The following TOP6BL variants were observed in gnomAD, a reference collection of about 807,000 sequenced individuals.
TOP6BL encodes TOP6B like initiator of meiotic double strand breaks.
At chr11:66,804,826 C>T in the TOP6BL span, among the ~76,000 whole-genome samples, 1 of 151,668 alleles carries the variant, frequency 6.6e-6, no homozygotes, top group African/African-American at 2.4e-5. Flanking sequence ...AATCCCAGCA[C>T]TTTGGGAGGC....
At chr11:66,815,423 G>A in the TOP6BL span, among the ~76,000 whole-genome samples, 2 of 152,166 alleles carry the variant, frequency 1.3e-5, no homozygotes, top group Non-Finnish European at 2.9e-5. Flanking sequence ...GGATCAAGGT[G>A]CTAGAAAGTG....
the TOP6BL span, among the ~76,000 whole-genome samples, chr11:66,793,091 T>G: frequency 7.0e-6 from 1 of 142,040 alleles, no homozygotes; most frequent in Non-Finnish European, 1.6e-5. Context: ...TTGGTAATAA[T>G]GTTTTTTTTT....
chr11:66,813,243 C>T, the TOP6BL span, among the ~76,000 whole-genome samples: 1 of 152,248 alleles, frequency 6.6e-6, no homozygotes, highest in African/African-American at 2.4e-5. Flanking sequence ...CTTTGTACCC[C>T]AAGAACTTAG....
the TOP6BL span, among the ~76,000 whole-genome samples, chr11:66,782,293 C>T: frequency 6.6e-6 from 1 of 152,196 alleles, no homozygotes; most frequent in African/African-American, 2.4e-5. Context: ...CAACATTTTT[C>T]AGCACTGGAA....
the TOP6BL span, among the ~76,000 whole-genome samples, chr11:66,763,810 G>T: frequency 1.3e-5 from 2 of 152,050 alleles, no homozygotes; most frequent in Non-Finnish European, 2.9e-5. Context: ...TCACTTTGTT[G>T]CCCTGGCTGG....
At chr11:66,794,222 T>A in the TOP6BL span, among the ~76,000 whole-genome samples, 18 of 151,800 alleles carry the variant, frequency 1.2e-4, no homozygotes, top group Admixed American at 3.3e-4. Context: ...TCTGGGACCA[T>A]TTTTTTTGTT....
At chr11:66,842,990 C>A in the TOP6BL span, 2 of 1,550,518 alleles carry the variant, frequency 1.3e-6, no homozygotes, top group South Asian at 1.2e-5. Flanking sequence ...GCCCCCCTCA[C>A]TCCTAGAGGA....
At chr11:66,752,198 A>T in the TOP6BL span, among the ~76,000 whole-genome samples, 19 of 148,016 alleles carry the variant, frequency 1.3e-4, no homozygotes, top group Admixed American at 2.0e-4. Context: ...CTCAGGCTCC[A>T]GTAGCTTCCT....
the TOP6BL span, among the ~76,000 whole-genome samples, chr11:66,759,978 G>A: frequency 6.6e-6 from 1 of 151,934 alleles, no homozygotes; most frequent in Non-Finnish European, 1.5e-5. Context: ...GAACTCTTAC[G>A]CTTTCATTTT....
the TOP6BL span, among the ~76,000 whole-genome samples, chr11:66,821,000 C>G: frequency 6.6e-6 from 1 of 152,158 alleles, no homozygotes; most frequent in Non-Finnish European, 1.5e-5. Context: ...AGTCCTGACT[C>G]AAAGCACATG....
chr11:66,828,074 G>A, the TOP6BL span, among the ~76,000 whole-genome samples: 2 of 150,946 alleles, frequency 1.3e-5, no homozygotes, highest in African/African-American at 4.9e-5. Context: ...AGCCACAACT[G>A]CCTGTCTTAC....
chr11:66,793,971 G>A, the TOP6BL span, among the ~76,000 whole-genome samples: 1 of 151,718 alleles, frequency 6.6e-6, no homozygotes, highest in Non-Finnish European at 1.5e-5. Flanking sequence ...AATTATCCAG[G>A]TGTGGTGATA....
the TOP6BL span, among the ~76,000 whole-genome samples, chr11:66,745,650 C>T: frequency 6.6e-6 from 1 of 152,218 alleles, no homozygotes; most frequent in Admixed American, 6.5e-5. Context: ...CCCCGGGCGT[C>T]CTGCCTGTTT....
chr11:66,839,423 G>C, the TOP6BL span, among the ~76,000 whole-genome samples: 10 of 152,366 alleles, frequency 6.6e-5, no homozygotes, highest in African/African-American at 2.4e-4. Context: ...AGCCGAATTA[G>C]CAGGGATGCC....
At chr11:66,762,870 C>G in the TOP6BL span, among the ~76,000 whole-genome samples, 17 of 152,308 alleles carry the variant, frequency 1.1e-4, no homozygotes, top group African/African-American at 4.1e-4. Flanking sequence ...GGAAACAATT[C>G]TACCTTTTGA....
chr11:66,843,311 C>A, the TOP6BL span: 2 of 1,546,958 alleles, frequency 1.3e-6, no homozygotes, highest in Non-Finnish European at 1.7e-6. Context: ...ATAAAGCTGC[C>A]GCGCGCTCAC....
At chr11:66,790,162 T>G in the TOP6BL span, among the ~76,000 whole-genome samples, 4 of 151,812 alleles carry the variant, frequency 2.6e-5, no homozygotes, top group Non-Finnish European at 5.9e-5. Context: ...CCAGCTACTC[T>G]GGAGGCTGAG....
At chr11:66,803,867 A>G in the TOP6BL span, 2,320 of 655,946 alleles carry the variant, frequency 3.5e-3, 53 homozygotes, top group African/African-American at 0.037. Flanking sequence ...ATTTATTCCA[A>G]CAAAACTGAT....
the TOP6BL span, among the ~76,000 whole-genome samples, chr11:66,832,608 C>T: frequency 6.6e-6 from 1 of 152,208 alleles, no homozygotes; most frequent in African/African-American, 2.4e-5. Context: ...CTCCCTTCAC[C>T]ACCCCTTCCA....
Sources: allele counts gnomAD v4.1 joint callset (sites outside exome capture counted in the v4.1 genomes callset), GRCh38; gene constraint gnomAD v4.1.1; transcripts MANE v1.5; gene names NCBI Gene and HGNC (gene_info 2026-07-23, HGNC 2026-07-21).